CLVS1: variants seen among roughly 807,000 people sequenced by gnomAD.
CLVS1 encodes the protein clavesin-1.
Under a neutral mutation model 33.1 loss-of-function variants are expected in CLVS1, and 10 were observed. The ratio of observed to expected loss-of-function variants is 0.30; its 90% confidence interval spans 0.19 to 0.51. The LOEUF is 0.51. CLVS1 is among the 20% of genes least tolerant of loss of function. CLVS1 has a pLI of 0.97. For missense variants in CLVS1, 343 were observed against 433.4 expected, an observed-to-expected ratio of 0.79 and a Z score of 1.85; for synonymous variants, 163 against 166.1, an observed-to-expected ratio of 0.98 and a Z score of 0.14.
intron 3 of CLVS1, among the ~76,000 whole-genome samples, chr8:61,428,563 T>C (rs1815982556): frequency 6.6e-6 from 1 of 152,224 alleles, no homozygotes; most frequent in African/African-American, 2.4e-5. Flanking sequence ...AAGTGCTTCA[T>C]GGAGGGCATG....
In CLVS1 at chr8:61,479,120, G is replaced by A. The variant is rs138803097; in HGVS notation, c.978-20335G>A. Among the ~76,000 whole-genome samples the A allele has an allele frequency of 2.4e-3, 372 of 152,174 alleles. 3 individuals carry two copies. Among genetic ancestry groups the A allele is most frequent in the African/African-American group, 8.2e-3 (340 of 41,514 alleles). On this transcript the variant is annotated intron_variant, in intron 5 of 5. Coordinates refer to ENST00000325897, the MANE Select transcript of CLVS1 (RefSeq NM_173519.3). ...TTCTCTCTATTTCCTGAATTTGAACGTTGGCCTGCCTCGCTATATTGCAGA... is the reference window on the plus strand; with the variant it reads ...TTCTCTCTATTTCCTGAATTTGAACATTGGCCTGCCTCGCTATATTGCAGA...
At position 61,241,491 on chromosome 8, in the gene CLVS1, T is replaced by C. The variant is rs527848797; in HGVS notation, c.-151-58186T>C. On this transcript the variant is annotated intron_variant, in intron 2 of 2. Coordinates refer to the CLVS1 transcript ENST00000522621. ...TATTCCAATATATAATCTTAACTTT[T>C]CACAGTTCACTTAGGGTTAAAGATT... Among the ~76,000 whole-genome samples the C allele has an allele frequency of 4.3e-4, 65 of 152,300 alleles. No homozygotes were observed. In the South Asian group the frequency reaches 0.012, roughly 29 times the overall value.
At chr8:61,454,029 G>A (rs1483997826) in intron 3 of CLVS1, 112 bp from the exon 4 acceptor site, 16 of 755,408 alleles carry the variant, frequency 2.1e-5, no homozygotes, top group Non-Finnish European at 2.9e-5. Flanking sequence ...CCTGAAGCTA[G>A]AGCTTCTACC....
intron 2 of CLVS1, among the ~76,000 whole-genome samples, chr8:61,274,926 A>G (rs1809533214): frequency 6.6e-6 from 1 of 152,192 alleles, no homozygotes; most frequent in Non-Finnish European, 1.5e-5. Flanking sequence ...AAAGAGTCCA[A>G]CTAAATAAAT....
rs115408210 is a variant in CLVS1, at chr8:61,096,204, C to G, written c.-242-35566C>G. Among the ~76,000 whole-genome samples, 1,162 of 152,304 alleles carry G rather than the reference C, an allele frequency of 7.6e-3. 9 individuals carry two copies. Among genetic ancestry groups the G allele is most frequent in the African/African-American group, 0.026 (1,097 of 41,554 alleles). On this transcript the variant is annotated intron_variant, in intron 1 of 2. Coordinates refer to the CLVS1 transcript ENST00000522621. Reference sequence around the variant, plus strand: ...TTCTGAAAATTGAAACAGCTCAACTCAAACTCACTCAACCCGCTCGCCCTC... The same window carrying G: ...TTCTGAAAATTGAAACAGCTCAACTGAAACTCACTCAACCCGCTCGCCCTC...
intron 2 of CLVS1, among the ~76,000 whole-genome samples, chr8:61,181,037 G>A (rs1337441038): frequency 6.6e-6 from 1 of 152,204 alleles, no homozygotes; most frequent in East Asian, 1.9e-4. Context: ...AGGAAGAGAG[G>A]AAGTCAAATT....
chr8:61,193,657 A>G (rs990506344), intron 2 of CLVS1, among the ~76,000 whole-genome samples: 7 of 152,072 alleles, frequency 4.6e-5, no homozygotes, highest in African/African-American at 1.4e-4. Context: ...AAAGTTTTCT[A>G]CAAAACTATC....
chr8:61,094,286 A>G (rs1303819989), intron 1 of CLVS1, among the ~76,000 whole-genome samples: 1 of 151,980 alleles, frequency 6.6e-6, no homozygotes, highest in African/African-American at 2.4e-5. Context: ...TCCCACCACT[A>G]TGGTTCTAAT....
chr8:60,974,973 T>A, the CLVS1 span, among the ~76,000 whole-genome samples: 1 of 152,080 alleles, frequency 6.6e-6, no homozygotes, highest in Admixed American at 6.6e-5. Context: ...ATGATTTGAG[T>A]GGCTTGGACT....
chr8:61,179,369 T>A (rs1585666751), intron 2 of CLVS1, among the ~76,000 whole-genome samples: 1 of 152,136 alleles, frequency 6.6e-6, no homozygotes, highest in Non-Finnish European at 1.5e-5. Context: ...ACAGAGAGAC[T>A]TAGACTCCCC....
At chr8:61,024,316 A>G in the CLVS1 span, among the ~76,000 whole-genome samples, 4 of 152,196 alleles carry the variant, frequency 2.6e-5, no homozygotes, top group Non-Finnish European at 5.9e-5. Context: ...AGTTTAGCAA[A>G]TAAACAACCA....
At chr8:61,141,153 A>G (rs1806301611) in intron 2 of CLVS1, among the ~76,000 whole-genome samples, 1 of 152,250 alleles carries the variant, frequency 6.6e-6, no homozygotes, top group South Asian at 2.1e-4. Context: ...AATAATGTGT[A>G]TAAAATGTCT....
intron 5 of CLVS1, among the ~76,000 whole-genome samples, chr8:61,497,386 T>G (rs1804302358): frequency 7.0e-6 from 1 of 142,474 alleles, no homozygotes; most frequent in Non-Finnish European, 1.5e-5. Context: ...TGACAACATC[T>G]GCAAAGTGTT....
intron 2 of CLVS1, among the ~76,000 whole-genome samples, chr8:61,317,255 AG>A (rs1811045641): frequency 6.6e-6 from 1 of 152,120 alleles, no homozygotes; most frequent in Non-Finnish European, 1.5e-5. Flanking sequence ...CTGCTTCCAG[AG>A]GGCAGGAATG....
intron 1 of CLVS1, among the ~76,000 whole-genome samples, chr8:61,078,110 G>A (rs1056686393): frequency 6.6e-6 from 1 of 152,210 alleles, no homozygotes; most frequent in African/African-American, 2.4e-5. Flanking sequence ...AGGATCCGAG[G>A]CAGGCCTGTC....
At chr8:61,107,108 A>C (rs1306235683) in intron 1 of CLVS1, among the ~76,000 whole-genome samples, 1 of 152,204 alleles carries the variant, frequency 6.6e-6, no homozygotes, top group Non-Finnish European at 1.5e-5. Flanking sequence ...TTATGTCCTC[A>C]TTACTCTGAC....
chr8:61,305,339 CT>C (rs1810583890), intron 2 of CLVS1, among the ~76,000 whole-genome samples: 1 of 151,956 alleles, frequency 6.6e-6, no homozygotes, highest in Non-Finnish European at 1.5e-5. Context: ...TCCCACTCCC[CT>C]TCCCCTCTCT....
At chr8:61,099,061 C>T (rs551546091) in intron 1 of CLVS1, among the ~76,000 whole-genome samples, 1 of 152,164 alleles carries the variant, frequency 6.6e-6, no homozygotes, top group South Asian at 2.1e-4. Flanking sequence ...TCCATTTGGC[C>T]AAGCAGAAAT....
intron 2 of CLVS1, among the ~76,000 whole-genome samples, chr8:61,343,033 T>G (rs934141615): frequency 6.6e-6 from 1 of 152,168 alleles, no homozygotes; most frequent in Non-Finnish European, 1.5e-5. Flanking sequence ...ATTGGAGTGA[T>G]TTTCGTATCT....
Sources: allele counts gnomAD v4.1 joint callset (sites outside exome capture counted in the v4.1 genomes callset), GRCh38; gene constraint gnomAD v4.1.1; transcripts MANE v1.5; gene names NCBI Gene and HGNC (gene_info 2026-07-23, HGNC 2026-07-21).